The following GLT8D2 variants were observed in gnomAD, a reference collection of about 807,000 sequenced individuals.
GLT8D2 encodes glycosyltransferase 8 domain containing 2.
A neutral mutation model predicts 44.5 loss-of-function variants in GLT8D2; 45 were observed. The ratio of observed to expected loss-of-function variants is 1.01; its 90% CI spans 0.80 to 1.30. The LOEUF (loss-of-function observed/expected upper bound fraction) is 1.30. GLT8D2 is among the 50% of genes most tolerant of loss of function. The probability of loss-of-function intolerance (pLI) is 0.00; values close to 1 mark genes in which losing one functional copy is unlikely to be tolerated. For synonymous variants in GLT8D2, 156 were observed against 157.2 expected (o/e 0.99, Z 0.06); for missense variants, 400 against 430.4 (o/e 0.93, Z 0.62).
intron 1 of GLT8D2, among the ~76,000 whole-genome samples, chr12:104,045,549 A>G (rs1880992476): frequency 6.6e-6 from 1 of 152,134 alleles, no homozygotes; most frequent in South Asian, 2.1e-4. Flanking sequence ...GAGAGTACAG[A>G]GAGTTGTTCT....
chr12:103,994,354 A>G lies in GLT8D2; in HGVS notation c.748T>C (p.Trp250Arg). 6.2e-7 allele frequency: 1 copy of G among 1,612,184 alleles called. No homozygotes were observed. Among genetic ancestry groups the G allele is most frequent in the Non-Finnish European group, 8.5e-7 (1 of 1,178,992 alleles). Reference protein sequence around the residue: ...HQRITKQLEKWMQKNVEENLY... With the variant: ...HQRITKQLEKRMQKNVEENLY... ...ACGTACTCCACATTCTTTTGCATCCATTTCTCCAATTGCTTGGTGATGCGC... is the reference window on the plus strand; with the variant it reads ...ACGTACTCCACATTCTTTTGCATCCGTTTCTCCAATTGCTTGGTGATGCGC... Residue 250 changes from tryptophan (W) to arginine (R), a missense_variant, in exon 9 of 11, where the codon TGG becomes CGG. Coordinates refer to ENST00000360814, the MANE Select transcript of GLT8D2 (RefSeq NM_001384711.1).
In GLT8D2 at chr12:104,032,108, TA is replaced by T. The variant is rs540489013; in HGVS notation, c.-163-10618del. ...TCGTTATGTGTTAATTTACTTTTAT[TA>T]AAAAAGTATAGTATATATAAATAAT... On this transcript the variant is annotated intron_variant, in intron 1 of 10. Coordinates refer to ENST00000360814, the MANE Select transcript of GLT8D2 (RefSeq NM_001384711.1). Among the ~76,000 whole-genome samples the T allele has an allele frequency of 4.3e-3, 615 of 143,604 alleles. 4 individuals carry two copies. The highest frequency in any genetic ancestry group is 0.015 in the African/African-American group (590 of 38,520). The allele number at this position is 143,604 out of a possible 152,430, so 94.2% of individuals were successfully genotyped here. A position where few individuals can be genotyped will look rare whatever the true frequency, so the allele number is the denominator to read the frequency against.
At chr12:104,034,519 C>T (rs1879713984) in intron 1 of GLT8D2, among the ~76,000 whole-genome samples, 1 of 152,254 alleles carries the variant, frequency 6.6e-6, no homozygotes. Context: ...GGCCCATGCC[C>T]ATGGAGCCTT....
intron 1 of GLT8D2, among the ~76,000 whole-genome samples, chr12:104,035,456 G>A (rs1314677971): frequency 2.6e-5 from 4 of 152,148 alleles, no homozygotes; most frequent in Non-Finnish European, 5.9e-5. Flanking sequence ...AGAACAAACA[G>A]TGTACAGAGG....
intron 1 of GLT8D2, chr12:104,030,643 T>A: frequency 1.5e-6 from 2 of 1,340,442 alleles, no homozygotes; most frequent in South Asian, 2.7e-5. Flanking sequence ...ATATACCTGA[T>A]AAGAAGTTAA....
rs1877798132 is a variant in GLT8D2, at chr12:104,021,933, GAAGAAGAAGAAGAAGAAGAAGAGGAA to G, written c.-163-468_-163-443del. On this transcript the variant is annotated intron_variant, in intron 1 of 10. Transcript: ENST00000360814. ...AGAAGAAGAAGAAGAAGAAGAAGAA[GAAGAAGAAGAAGAAGAAGAAGAGGAA>G]GAAGAGGAAGAGGAAGAGGAAGAGG... 2.1e-3 allele frequency among the ~76,000 whole-genome samples: 52 copies of G among 24,852 alleles called. 3 individuals are homozygous for G. The highest frequency in any genetic ancestry group is 0.014 in the Middle Eastern group (1 of 74). The allele number at this position is 24,852 out of a possible 152,430, so 16.3% of individuals were successfully genotyped here.
At chr12:104,020,893 A>C (rs1877538653) in intron 2 of GLT8D2, among the ~76,000 whole-genome samples, 1 of 152,204 alleles carries the variant, frequency 6.6e-6, no homozygotes, top group Non-Finnish European at 1.5e-5. Flanking sequence ...AAGAGGTCAG[A>C]GAGGTACCAA....
rs772291718 is a variant in GLT8D2 at position 103,997,553 on chromosome 12, G to T, written c.403-18C>A. Reference sequence around the variant, plus strand: ...AAGTTCAGCTGTTAAAACGACAAAAGAAATGATGGTGGGGGAGAGGCATAT... The same window carrying T: ...AAGTTCAGCTGTTAAAACGACAAAATAAATGATGGTGGGGGAGAGGCATAT... On this transcript the variant is annotated intron_variant, in intron 6 of 10. Transcript: ENST00000360814. 2 of 1,583,932 alleles carry T rather than the reference G, an allele frequency of 1.3e-6. No homozygotes were observed. The highest frequency in any genetic ancestry group is 1.7e-6 in the Non-Finnish European group (2 of 1,152,648).
chr12:104,016,820 AGAAAGAAAAG>A (rs1170771428), intron 3 of GLT8D2, among the ~76,000 whole-genome samples: 6 of 106,790 alleles, frequency 5.6e-5, no homozygotes, highest in Admixed American at 9.9e-5. Context: ...AGAAAGAAAG[AGAAAGAAAAG>A]AAAGAAAGAA....
chr12:104,061,250 G>A (rs142777876), intron 1 of GLT8D2, among the ~76,000 whole-genome samples: 14 of 152,284 alleles, frequency 9.2e-5, no homozygotes, highest in African/African-American at 3.1e-4. Flanking sequence ...GTTATAGCTT[G>A]CAATCTCTTT....
In GLT8D2 at chr12:103,997,546, G is replaced by T; in HGVS notation, c.403-11C>A. 1.2e-6 allele frequency: 2 copies of T among 1,602,226 alleles called. No individual in the cohort carries two copies. The highest frequency in any genetic ancestry group is 1.1e-5 in the South Asian group (1 of 90,752). On this transcript the variant is annotated splice_polypyrimidine_tract_variant and intron_variant, in intron 6 of 10. Coordinates refer to ENST00000360814, the MANE Select transcript of GLT8D2 (RefSeq NM_001384711.1). ...TCGAACAAAGTTCAGCTGTTAAAACGACAAAAGAAATGATGGTGGGGGAGA... is the reference window on the plus strand; with the variant it reads ...TCGAACAAAGTTCAGCTGTTAAAACTACAAAAGAAATGATGGTGGGGGAGA...
At chr12:104,021,871 A>G (rs1184763544) in intron 1 of GLT8D2, among the ~76,000 whole-genome samples, 1 of 29,964 alleles carries the variant, frequency 3.3e-5, no homozygotes, top group Non-Finnish European at 5.7e-5. Flanking sequence ...AAGAAGAAAG[A>G]AGAAGAAGAA....
rs114442511 is a variant in GLT8D2 at position 104,016,150 on chromosome 12, T to C, written c.20-1045A>G. On this transcript the variant is annotated intron_variant, in intron 3 of 10. Coordinates refer to ENST00000360814, the MANE Select transcript of GLT8D2 (RefSeq NM_001384711.1). ...CAGTGGTGAAACGCAGCCATCCTTG[T>C]CGTGTTCCAGATGTAAGAGGAAAGG... Among the ~76,000 whole-genome samples the C allele has an allele frequency of 2.7e-3, 407 of 152,346 alleles. 2 individuals carry two copies. The highest frequency in any genetic ancestry group is 9.4e-3 in the African/African-American group (391 of 41,576).
rs925213424 is a variant in GLT8D2 at position 103,989,447 on chromosome 12, A to C, written c.1011T>G (p.Pro337=). 6.2e-7 allele frequency: 1 copy of C among 1,613,684 alleles called. No homozygotes were observed. Among genetic ancestry groups the C allele is most frequent in the Non-Finnish European group, 8.5e-7 (1 of 1,179,742 alleles). Residue 337 remains proline, a synonymous_variant, in exon 11 of 11, where the codon CCT becomes CCG. Transcript: ENST00000360814. ...HNDLWESWFV[P]DPAGIFKLNH... is the part of the protein sequence containing the mutation. The stretch of plus-strand genomic sequence containing the variant: ...TGAGTTTAAATATCCCTGCAGGGTC[A>C]GGAACAAACCAGCTTTCCCATAAGT...
intron 1 of GLT8D2, among the ~76,000 whole-genome samples, chr12:104,043,698 C>T (rs1880802582): frequency 1.3e-5 from 2 of 152,172 alleles, no homozygotes; most frequent in African/African-American, 2.4e-5. Context: ...AACTCCTGAC[C>T]TCAGGTGATC....
intron 2 of GLT8D2, among the ~76,000 whole-genome samples, chr12:104,020,163 CCA>C (rs1426160388): frequency 1.3e-5 from 2 of 152,092 alleles, no homozygotes; most frequent in South Asian, 4.1e-4. Context: ...CTCAAGCAAT[CCA>C]TCCATCTTAG....
intron 5 of GLT8D2, 21 bp from the exon 6 acceptor site, chr12:103,999,535 AC>A: frequency 7.1e-7 from 1 of 1,411,080 alleles, no homozygotes; most frequent in Non-Finnish European, 1.0e-6. Context: ...GACCAAAAAA[AC>A]CTCTAGTATA....
chr12:104,000,998 AG>A (rs1874140631), intron 5 of GLT8D2, among the ~76,000 whole-genome samples: 1 of 152,248 alleles, frequency 6.6e-6, no homozygotes, highest in Non-Finnish European at 1.5e-5. Context: ...TCCTTTCATC[AG>A]CACCCTCCCT....
At chr12:104,048,774 A>G (rs940788374) in intron 1 of GLT8D2, among the ~76,000 whole-genome samples, 1 of 152,234 alleles carries the variant, frequency 6.6e-6, no homozygotes, top group Admixed American at 6.5e-5. Context: ...CACCACTGCC[A>G]TCATCAGCAC....
Sources: gnomAD v4.1 joint callset for allele counts (sites outside exome capture counted in the v4.1 genomes callset) on GRCh38, gnomAD v4.1.1 for gene constraint, MANE v1.5 for transcripts, NCBI Gene and HGNC (gene_info 2026-07-23, HGNC 2026-07-21) for gene names.